The following AGBL4 variants were observed in gnomAD, a reference collection of about 807,000 sequenced individuals.
AGBL4 encodes AGBL carboxypeptidase 4.
AGBL4 carries 58 observed loss-of-function variants against 66.4 expected under a neutral mutation model. The observed-to-expected ratio is 0.87, with a 90% confidence interval of 0.71 to 1.09. AGBL4 has a LOEUF of 1.09. Among genes scored for constraint, AGBL4 ranks in the 50% least tolerant of loss-of-function variants. AGBL4 has a pLI of 0.00. For missense variants in AGBL4, 579 were observed against 631.0 expected, an observed-to-expected ratio of 0.92 and a Z score of 0.88; for synonymous variants, 234 against 222.9, an observed-to-expected ratio of 1.05 and a Z score of -0.44.
the AGBL4 span, among the ~76,000 whole-genome samples, chr1:48,526,248 A>G: frequency 6.6e-6 from 1 of 152,196 alleles, no homozygotes; most frequent in African/African-American, 2.4e-5. Flanking sequence ...GACTGTACAC[A>G]AAAAGGAGGA....
chr1:49,350,095 G>A (rs1048451681), intron 3 of AGBL4, among the ~76,000 whole-genome samples: 8 of 151,572 alleles, frequency 5.3e-5, no homozygotes, highest in Admixed American at 2.0e-4. Context: ...AAACATATTT[G>A]TTTTGTTTAC....
chr1:48,699,639 G>A (rs1305192532), intron 6 of AGBL4, among the ~76,000 whole-genome samples: 3 of 152,074 alleles, frequency 2.0e-5, no homozygotes, highest in African/African-American at 7.2e-5. Flanking sequence ...AAATTACCCT[G>A]GCTCTCTTAC....
intron 5 of AGBL4, among the ~76,000 whole-genome samples, chr1:48,897,346 G>C (rs1651618187): frequency 6.6e-6 from 1 of 152,114 alleles, no homozygotes; most frequent in Non-Finnish European, 1.5e-5. Flanking sequence ...ATATTTCATT[G>C]TGCATATGTA....
intron 6 of AGBL4, among the ~76,000 whole-genome samples, chr1:48,676,502 C>T (rs1368638074): frequency 2.6e-5 from 4 of 152,244 alleles, no homozygotes; most frequent in Non-Finnish European, 5.9e-5. Flanking sequence ...GGAACGCCCT[C>T]AGGAGGAAAT....
At chr1:49,896,206 C>T (rs1024377124) in intron 1 of AGBL4, among the ~76,000 whole-genome samples, 1 of 151,940 alleles carries the variant, frequency 6.6e-6, no homozygotes, top group South Asian at 2.1e-4. Flanking sequence ...TATATATGTA[C>T]CCAATATTGG....
intron 1 of AGBL4, among the ~76,000 whole-genome samples, chr1:50,014,519 T>C (rs1221000090): frequency 6.7e-6 from 1 of 149,728 alleles, no homozygotes; most frequent in Non-Finnish European, 1.5e-5. Context: ...ACCTCATAAC[T>C]AATGAACAGA....
intron 1 of AGBL4, among the ~76,000 whole-genome samples, chr1:49,902,397 T>C (rs1462312522): frequency 6.6e-6 from 1 of 152,148 alleles, no homozygotes; most frequent in Non-Finnish European, 1.5e-5. Flanking sequence ...TTCAAAAGAA[T>C]ACATACATGC....
chr1:49,875,491 AT>A (rs1203679930), intron 1 of AGBL4, among the ~76,000 whole-genome samples: 2 of 145,102 alleles, frequency 1.4e-5, no homozygotes, highest in Non-Finnish European at 3.0e-5. Flanking sequence ...TGAACTCATC[AT>A]TTTTTATGGC....
chr1:48,913,143 A>T (rs76355294), intron 5 of AGBL4, among the ~76,000 whole-genome samples: 6 of 152,322 alleles, frequency 3.9e-5, no homozygotes, highest in African/African-American at 1.4e-4. Flanking sequence ...ATCATGCAAG[A>T]CCTTGGAAGC....
At chr1:49,691,228 T>C (rs573076147) in intron 3 of AGBL4, 1 of 152,408 alleles carries the variant, frequency 6.6e-6, no homozygotes, top group South Asian at 2.1e-4. Context: ...AAGGCAACTT[T>C]ACTTCATACT....
At chr1:49,541,254 C>T (rs908498542) in intron 3 of AGBL4, among the ~76,000 whole-genome samples, 18 of 152,184 alleles carry the variant, frequency 1.2e-4, no homozygotes, top group East Asian at 7.7e-4. Context: ...CCCTTCAGCC[C>T]GCCGCTGCAC....
intron 4 of AGBL4, among the ~76,000 whole-genome samples, chr1:49,209,077 C>T (rs1648469837): frequency 6.6e-6 from 1 of 151,986 alleles, no homozygotes; most frequent in Non-Finnish European, 1.5e-5. Context: ...CCATGGGGAC[C>T]CTGGAAATCA....
chr1:49,928,844 TACCAAAAAGACACATGC>T (rs1254220334), intron 1 of AGBL4, among the ~76,000 whole-genome samples: 1 of 151,982 alleles, frequency 6.6e-6, no homozygotes, highest in East Asian at 1.9e-4. Context: ...AAAATCATTC[TACCAAAAAGACACATGC>T]ACCCATATGT....
At chr1:49,693,918 C>T (rs1112368) in intron 3 of AGBL4, among the ~76,000 whole-genome samples, 103,750 of 151,970 alleles carry the variant, frequency 0.68, 36,127 homozygotes, top group African/African-American at 0.77. Flanking sequence ...ATAAAGGAAT[C>T]TGGACATTTA....
intron 5 of AGBL4, among the ~76,000 whole-genome samples, chr1:49,002,356 G>T (rs146679019): frequency 6.6e-6 from 1 of 152,278 alleles, no homozygotes; most frequent in East Asian, 1.9e-4. Flanking sequence ...CTCACTGGAA[G>T]TTGAAATAAT....
intron 4 of AGBL4, among the ~76,000 whole-genome samples, chr1:49,168,701 T>C (rs1339884067): frequency 6.6e-6 from 1 of 152,194 alleles, no homozygotes; most frequent in Non-Finnish European, 1.5e-5. Context: ...GACTTCCCTG[T>C]TGTTGCTGAG....
intron 3 of AGBL4, among the ~76,000 whole-genome samples, chr1:49,260,594 C>A (rs972928053): frequency 3.3e-5 from 5 of 152,096 alleles, no homozygotes; most frequent in African/African-American, 4.8e-5. Context: ...TACACCCTCC[C>A]AAGACTAAAC....
At chr1:49,036,925 G>A (rs1664713066) in intron 5 of AGBL4, among the ~76,000 whole-genome samples, 1 of 151,948 alleles carries the variant, frequency 6.6e-6, no homozygotes, top group African/African-American at 2.4e-5. Context: ...GTCACAGGGA[G>A]GGAGCTCTTT....
intron 11 of AGBL4, among the ~76,000 whole-genome samples, chr1:48,544,420 G>T (rs1644126377): frequency 6.6e-6 from 1 of 152,232 alleles, no homozygotes; most frequent in Non-Finnish European, 1.5e-5. Context: ...TCCTGGCTCT[G>T]CCACATGCTG....
Sources: allele counts gnomAD v4.1 joint callset (sites outside exome capture counted in the v4.1 genomes callset), GRCh38; gene constraint gnomAD v4.1.1; transcripts MANE v1.5; gene names NCBI Gene and HGNC (gene_info 2026-07-23, HGNC 2026-07-21).